KCNIP4: variants seen among roughly 807,000 people sequenced by gnomAD.
KCNIP4 encodes the protein Kv channel-interacting protein 4.
KCNIP4 carries 12 observed loss-of-function variants against 34.0 expected under a neutral mutation model. That is an observed-to-expected ratio of 0.35 (90% CI 0.23 to 0.57). KCNIP4 has a LOEUF of 0.57. Ranked by LOEUF, KCNIP4 falls within the 20% of genes least tolerant of loss-of-function variation. The probability of loss-of-function intolerance (pLI) is 0.83; values close to 1 mark genes in which losing one functional copy is unlikely to be tolerated. For synonymous variants in KCNIP4, 124 were observed against 102.2 expected, an observed-to-expected ratio of 1.21 and a Z score of -1.29; for missense variants, 238 against 311.7, an observed-to-expected ratio of 0.76 and a Z score of 1.78.
chr4:21,275,105 T>C (rs1319688059), intron 1 of KCNIP4, among the ~76,000 whole-genome samples: 1 of 152,174 alleles, frequency 6.6e-6, no homozygotes, highest in African/African-American at 2.4e-5. Context: ...CCATCATTGG[T>C]TCTGATATGC....
chr4:21,370,840 T>C lies in KCNIP4; in HGVS notation c.62-488131A>G, dbSNP rs866195342. On this transcript the variant is annotated intron_variant, in intron 1 of 8. Transcript: ENST00000382152. Reference sequence around the variant, plus strand: ...ATATATATATATATATATATATATATATATATATATACACACACACACACA... The same window carrying C: ...ATATATATATATATATATATATATACATATATATATACACACACACACACA... Among the ~76,000 whole-genome samples the C allele has an allele frequency of 5.7e-3, 163 of 28,406 alleles. 4 individuals are homozygous for C. The highest frequency in any genetic ancestry group is 7.6e-3 in the African/African-American group (38 of 5,026). The allele number at this position is 28,406 out of a possible 152,430, so 18.6% of individuals were successfully genotyped here.
intron 1 of KCNIP4, among the ~76,000 whole-genome samples, chr4:21,075,648 T>G (rs1745420895): frequency 6.6e-6 from 1 of 152,192 alleles, no homozygotes; most frequent in Non-Finnish European, 1.5e-5. Flanking sequence ...CATTTAAGGT[T>G]AATATTGTTA....
chr4:21,040,949 CAG>C (rs1741901511), intron 1 of KCNIP4, among the ~76,000 whole-genome samples: 3 of 59,252 alleles, frequency 5.1e-5, no homozygotes, highest in Non-Finnish European at 3.1e-5. Flanking sequence ...CTTAATGAAA[CAG>C]AGTAAAAAAA....
intron 2 of KCNIP4, 107 bp downstream of exon 2, chr4:20,882,501 C>A (rs765005246): frequency 1.8e-5 from 14 of 769,332 alleles, no homozygotes; most frequent in African/African-American, 3.5e-5. Flanking sequence ...CAATAGATTG[C>A]TTTTGTAGAA....
At chr4:21,770,065 T>C (rs1718675475) in intron 1 of KCNIP4, among the ~76,000 whole-genome samples, 1 of 152,214 alleles carries the variant, frequency 6.6e-6, no homozygotes, top group African/African-American at 2.4e-5. Flanking sequence ...CAGGTATTCA[T>C]GTGCCATGGT....
chr4:21,187,745 C>T (rs1433006490), intron 1 of KCNIP4, among the ~76,000 whole-genome samples: 2 of 151,946 alleles, frequency 1.3e-5, no homozygotes, highest in East Asian at 3.9e-4. Context: ...GCCTGCAGAT[C>T]ATGCACTCTC....
chr4:21,552,901 G>A (rs971677094), intron 1 of KCNIP4, among the ~76,000 whole-genome samples: 1 of 152,108 alleles, frequency 6.6e-6, no homozygotes, highest in Admixed American at 6.6e-5. Flanking sequence ...AAAGTAGGGT[G>A]TAAAAGAGCC....
At chr4:20,764,184 CTA>C (rs1755190366) in intron 3 of KCNIP4, among the ~76,000 whole-genome samples, 2 of 151,912 alleles carry the variant, frequency 1.3e-5, no homozygotes, top group South Asian at 2.1e-4. Flanking sequence ...AATATGCCCT[CTA>C]TAGAAAAAAA....
chr4:21,707,354 C>T (rs575626223), intron 1 of KCNIP4, among the ~76,000 whole-genome samples: 1 of 152,054 alleles, frequency 6.6e-6, no homozygotes, highest in East Asian at 1.9e-4. Context: ...AAAAGTAAAA[C>T]AAAACATCCT....
chr4:21,195,401 C>T (rs968849116), intron 1 of KCNIP4, among the ~76,000 whole-genome samples: 3 of 152,120 alleles, frequency 2.0e-5, no homozygotes, highest in African/African-American at 7.2e-5. Context: ...CCTAGGTTTG[C>T]CGAATAAAAG....
Position 21,428,009 on chromosome 4 carries a change from G to T in KCNIP4, c.61+520562C>A, listed in dbSNP as rs908651775. 9.2e-5 allele frequency among the ~76,000 whole-genome samples: 14 copies of T among 152,228 alleles called. No individual in the cohort carries two copies. The South Asian group carries it at 2.5e-3, about 27-fold the overall frequency. On this transcript the variant is annotated intron_variant, in intron 1 of 8. Transcript: ENST00000382152. ...AAATGTTTTAAACATAAATTAAGCCGCAAGAATGGAGGGTAAAGGAGAGAG... is the reference window on the plus strand; with the variant it reads ...AAATGTTTTAAACATAAATTAAGCCTCAAGAATGGAGGGTAAAGGAGAGAG...
chr4:21,403,824 C>A (rs187194714), intron 1 of KCNIP4, among the ~76,000 whole-genome samples: 2 of 152,282 alleles, frequency 1.3e-5, no homozygotes, highest in East Asian at 3.9e-4. Context: ...AATGCTGTGT[C>A]CACACATGGA....
chr4:20,937,096 T>G (rs1392192618), intron 1 of KCNIP4, among the ~76,000 whole-genome samples: 1 of 152,144 alleles, frequency 6.6e-6, no homozygotes, highest in South Asian at 2.1e-4. Context: ...AGCTGGCTTT[T>G]GGTGCTGAAA....
chr4:21,552,293 T>C (rs934706192), intron 1 of KCNIP4, among the ~76,000 whole-genome samples: 1 of 152,128 alleles, frequency 6.6e-6, no homozygotes, highest in Non-Finnish European at 1.5e-5. Flanking sequence ...ATGAAACTGT[T>C]GATTAATTTA....
At chr4:21,275,888 A>G (rs1762407376) in intron 1 of KCNIP4, among the ~76,000 whole-genome samples, 1 of 152,200 alleles carries the variant, frequency 6.6e-6, no homozygotes, top group African/African-American at 2.4e-5. Flanking sequence ...CTGGACCACA[A>G]TGGAAAAAGA....
chr4:20,791,164 A>G (rs1001002704), intron 3 of KCNIP4, among the ~76,000 whole-genome samples: 4 of 152,218 alleles, frequency 2.6e-5, no homozygotes, highest in Admixed American at 6.5e-5. Context: ...AAATCTTTCC[A>G]AATACTGAAA....
chr4:20,856,252 G>C (rs1445499581), intron 2 of KCNIP4, among the ~76,000 whole-genome samples: 1 of 152,146 alleles, frequency 6.6e-6, no homozygotes, highest in Non-Finnish European at 1.5e-5. Flanking sequence ...GTGCTTTCTT[G>C]AACAATGTCT....
At chr4:21,577,652 AC>A (rs1740846703) in intron 1 of KCNIP4, among the ~76,000 whole-genome samples, 1 of 148,554 alleles carries the variant, frequency 6.7e-6, no homozygotes, top group East Asian at 1.9e-4. Flanking sequence ...AAACAAACAA[AC>A]AAACAAAAAA....
intron 1 of KCNIP4, among the ~76,000 whole-genome samples, chr4:21,640,770 G>T (rs1341346204): frequency 1.3e-5 from 2 of 152,170 alleles, no homozygotes; most frequent in Non-Finnish European, 2.9e-5. Context: ...GCTAACAAGA[G>T]AAGGCTCTGC....
Sources: gnomAD v4.1 joint callset for allele counts (sites outside exome capture counted in the v4.1 genomes callset) on GRCh38, gnomAD v4.1.1 for gene constraint, MANE v1.5 for transcripts, NCBI Gene and HGNC (gene_info 2026-07-23, HGNC 2026-07-21) for gene names.